The following SIAE variants were observed in gnomAD, a reference collection of about 807,000 sequenced individuals.
SIAE encodes the protein sialate O-acetylesterase.
SIAE carries 39 observed loss-of-function variants against 52.6 expected under a neutral mutation model. The ratio of observed to expected loss-of-function variants is 0.74; its 90% CI spans 0.57 to 0.97. The LOEUF is 0.97. Among genes scored for constraint, SIAE ranks in the 50% least tolerant of loss-of-function variants. SIAE has a pLI of 0.00. For synonymous variants in SIAE, 233 were observed against 241.4 expected, an observed-to-expected ratio of 0.97 and a Z score of 0.32; for missense variants, 592 against 662.1, an observed-to-expected ratio of 0.89 and a Z score of 1.16.
intron 9 of SIAE, among the ~76,000 whole-genome samples, chr11:124,637,821 A>G (rs967524690): frequency 1.3e-5 from 2 of 152,220 alleles, no homozygotes; most frequent in Admixed American, 6.5e-5. Flanking sequence ...TTAGGACTTC[A>G]GAAATAGCAG....
upstream of SIAE, chr11:124,675,360 G>A (rs775824867): frequency 8.1e-6 from 13 of 1,614,032 alleles, no homozygotes; most frequent in East Asian, 4.5e-5. Context: ...GAGAGCAACC[G>A]GACAATATAC....
rs374796277 is a variant in SIAE, at chr11:124,654,802, G to A, written c.406-9C>T. 3.3e-5 allele frequency: 54 copies of A among 1,612,874 alleles called. No homozygotes were observed. The highest frequency in any genetic ancestry group is 4.5e-5 in the Non-Finnish European group (53 of 1,180,012). On this transcript the variant is annotated splice_polypyrimidine_tract_variant and intron_variant, in intron 3 of 9. Transcript: ENST00000263593. ...CTTGTAGCATTAAATATCTGGAAAA[G>A]AAATTGAAACGTCATTTAACCTAGC...
chr11:124,666,180 A>G (rs1411368859), intron 2 of SIAE, among the ~76,000 whole-genome samples: 1 of 152,026 alleles, frequency 6.6e-6, no homozygotes, highest in African/African-American at 2.4e-5. Flanking sequence ...CTGGACAAAA[A>G]CCTTTATGCT....
intron 2 of SIAE, among the ~76,000 whole-genome samples, chr11:124,667,379 C>T (rs1943288029): frequency 6.6e-6 from 1 of 152,156 alleles, no homozygotes; most frequent in Non-Finnish European, 1.5e-5. Context: ...GTTTACCCAA[C>T]AACATTCTTA....
In SIAE at chr11:124,636,459, G is replaced by A. The variant is rs993506421; in HGVS notation, c.*492C>T. 5.9e-6 allele frequency: 1 copy of A among 170,190 alleles called. No homozygotes were observed. Among genetic ancestry groups the A allele is most frequent in the Non-Finnish European group, 1.3e-5 (1 of 77,204 alleles). 10.5% of individuals were successfully genotyped at this position (170,190 alleles called of 1,614,324 possible). ...CACCTGTCAGGAATTTTGTAAAGACGTCTACGGCCATATCACCCTGAACGC... is the reference window on the plus strand; with the variant it reads ...CACCTGTCAGGAATTTTGTAAAGACATCTACGGCCATATCACCCTGAACGC... On this transcript the variant is annotated 3_prime_UTR_variant, in exon 10 of 10. Coordinates refer to ENST00000263593, the MANE Select transcript of SIAE (RefSeq NM_170601.5).
In SIAE at chr11:124,636,849, T is replaced by C. The variant is rs1261015627; in HGVS notation, c.*102A>G. On this transcript the variant is annotated 3_prime_UTR_variant, in exon 10 of 10. Transcript: ENST00000263593. The stretch of plus-strand genomic sequence containing the variant: ...AGCTGAAAGCCATTCAATGAGGCTT[T>C]CTATTAATTTCCTTTAAAAGCAATG... 1.3e-6 allele frequency: 2 copies of C among 1,532,684 alleles called. No homozygotes were observed. The highest frequency in any genetic ancestry group is 2.7e-5 in the African/African-American group (2 of 73,064). 94.9% of individuals were successfully genotyped at this position (1,532,684 alleles called of 1,614,324 possible). A position where few individuals can be genotyped will look rare whatever the true frequency, so the allele number is the denominator to read the frequency against.
At chr11:124,652,439 G>A (rs1439825397) in intron 4 of SIAE, among the ~76,000 whole-genome samples, 2 of 152,108 alleles carry the variant, frequency 1.3e-5, no homozygotes, top group East Asian at 1.9e-4. Context: ...TGTAATCCCA[G>A]CACTTTGGGA....
At position 124,638,575 on chromosome 11, in the gene SIAE, G is replaced by A. The variant is rs1942789665; in HGVS notation, c.1287C>T (p.Ile429=). ...TCTTGTTGTCCTTTTTCTGCACCTG[G>A]ATTTGCTGGTAATATGTGAGATTGA... ...GLLNLTYYQQ[I]QVQKKDNKIF... is the part of the protein sequence containing the mutation. The change falls in exon 9 of 10, where the codon ATC becomes ATT. Residue 429 remains isoleucine (I), a synonymous_variant. Transcript: ENST00000263593. The A allele has an allele frequency of 6.2e-7, 1 of 1,614,124 alleles. No homozygotes were observed. The highest frequency in any genetic ancestry group is 1.1e-5 in the South Asian group (1 of 91,084).
At position 124,638,569 on chromosome 11, in the gene SIAE, C is replaced by A; in HGVS notation, c.1293G>T (p.Val431=). 6.2e-7 allele frequency: 1 copy of A among 1,614,140 alleles called. No homozygotes were observed. The highest frequency in any genetic ancestry group is 1.1e-5 in the South Asian group (1 of 91,082). ...CAAATATCTTGTTGTCCTTTTTCTG[C>A]ACCTGGATTTGCTGGTAATATGTGA... The part of the protein sequence containing the change: ...LNLTYYQQIQ[V]QKKDNKIFEI... Residue 431 remains valine, a synonymous_variant, in exon 9 of 10, where the codon GTG becomes GTT. Coordinates refer to ENST00000263593, the MANE Select transcript of SIAE (RefSeq NM_170601.5).
At chr11:124,671,497 C>T (rs941632587) in intron 1 of SIAE, among the ~76,000 whole-genome samples, 2 of 152,188 alleles carry the variant, frequency 1.3e-5, no homozygotes, top group African/African-American at 2.4e-5. Context: ...TCAAATCACA[C>T]AGTTTATGAC....
intron 4 of SIAE, among the ~76,000 whole-genome samples, chr11:124,652,299 GGA>G (rs1943028519): frequency 6.6e-6 from 1 of 152,168 alleles, no homozygotes; most frequent in South Asian, 2.1e-4. Flanking sequence ...ACCTTGAGAT[GGA>G]GAGAGTGTCC....
intron 7 of SIAE, among the ~76,000 whole-genome samples, chr11:124,643,918 G>C (rs1291114757): frequency 6.6e-6 from 1 of 151,990 alleles, no homozygotes; most frequent in Non-Finnish European, 1.5e-5. Context: ...TACACAGACT[G>C]TTCCACCCAG....
At position 124,669,451 on chromosome 11, in the gene SIAE, C is replaced by A. The variant is rs775954173; in HGVS notation, c.138G>T (p.Val46=). The change falls in exon 2 of 10, where the codon GTG becomes GTT. Residue 46 remains valine (V), a synonymous_variant. Transcript: ENST00000263593. ...CTCCAGGTGTACCGAAGCCCCATAT[C>A]ACTGCCCCAGCAGGCTCCTTCTGCA... The part of the protein sequence containing the change: ...MVLQKEPAGA[V]IWGFGTPGAT... The A allele has an allele frequency of 3.1e-6, 5 of 1,614,182 alleles. No individual in the cohort carries two copies. Among genetic ancestry groups the A allele is most frequent in the Admixed American group, 1.7e-5 (1 of 60,030 alleles).
chr11:124,641,852 C>G (rs142758335), intron 7 of SIAE, among the ~76,000 whole-genome samples: 6 of 148,464 alleles, frequency 4.0e-5, no homozygotes, highest in Non-Finnish European at 8.9e-5. Context: ...CCCAGCTACT[C>G]GGGAGGCTGA....
At chr11:124,651,715 G>C (rs760221569) in intron 4 of SIAE, among the ~76,000 whole-genome samples, 2 of 152,192 alleles carry the variant, frequency 1.3e-5, no homozygotes, top group Non-Finnish European at 2.9e-5. Flanking sequence ...CCCGCACCGT[G>C]CTTCCACGAC....
chr11:124,647,996 G>T, intron 6 of SIAE, 70 bp downstream of exon 6: 2 of 1,175,740 alleles, frequency 1.7e-6, no homozygotes, highest in Non-Finnish European at 2.6e-6. Flanking sequence ...AAGCCACTAC[G>T]TTCTAGGGTG....
chr11:124,659,389 C>T (rs1943149344), intron 3 of SIAE: 1 of 152,092 alleles, frequency 6.6e-6, no homozygotes, highest in African/African-American at 2.4e-5. Context: ...CTCTCTTATG[C>T]TAAAAGAGTC....
chr11:124,635,365 T>TTAAC lies in SIAE; in HGVS notation c.*1582_*1585dup, dbSNP rs1368021234. ...GTAAAGTGTGTAGATTTTTTGTTTT[T>TTAAC]TAACTAAATAAAATCTTGGCACTGA... On this transcript the variant is annotated 3_prime_UTR_variant, in exon 10 of 10. Transcript: ENST00000263593. 3 of 151,752 alleles carry TTAAC rather than the reference T, an allele frequency of 2.0e-5. No homozygotes were observed. Among genetic ancestry groups the TTAAC allele is most frequent in the African/African-American group, 4.8e-5 (2 of 41,296 alleles). 9.4% of individuals were successfully genotyped at this position (151,752 alleles called of 1,614,324 possible).
At chr11:124,648,007 C>T (rs761035158) in intron 6 of SIAE, 59 bp downstream of exon 6, 4 of 1,279,464 alleles carry the variant, frequency 3.1e-6, no homozygotes, top group Non-Finnish European at 4.6e-6. Context: ...TTCTAGGGTG[C>T]TGTGTTATAC....
Sources: gnomAD v4.1 joint callset for allele counts (sites outside exome capture counted in the v4.1 genomes callset) on GRCh38, gnomAD v4.1.1 for gene constraint, MANE v1.5 for transcripts, NCBI Gene and HGNC (gene_info 2026-07-23, HGNC 2026-07-21) for gene names.